Variants in LYST observed in about 807,000 individuals in gnomAD.
LYST encodes lysosomal-trafficking regulator.
Under a neutral mutation model 413.6 loss-of-function variants are expected in LYST, and 192 were observed. That is an observed-to-expected ratio of 0.46 (90% CI 0.41 to 0.52). The LOEUF is 0.52. Ranked by LOEUF, LYST falls within the 20% of genes least tolerant of loss-of-function variation. LYST has a pLI of 0.00. For missense variants in LYST, 3,815 were observed against 4,499.9 expected, an observed-to-expected ratio of 0.85 and a Z score of 4.35; for synonymous variants, 1,525 against 1,567.3, an observed-to-expected ratio of 0.97 and a Z score of 0.64.
intron 1 of LYST, among the ~76,000 whole-genome samples, chr1:235,849,332 A>T (rs976132167): frequency 6.6e-5 from 10 of 152,170 alleles, no homozygotes; most frequent in Non-Finnish European, 1.3e-4. Flanking sequence ...TATGATTAAA[A>T]TTCTCAGCAA....
intron 9 of LYST, 62 bp from the exon 10 acceptor site, chr1:235,800,448 A>C (rs959833065): frequency 6.6e-6 from 6 of 906,244 alleles, no homozygotes; most frequent in Non-Finnish European, 1.1e-5. Context: ...AAACAACTGC[A>C]ATGTCATAAT....
At chr1:235,743,854 G>A in intron 30 of LYST, 125 bp downstream of exon 30, 4 of 612,388 alleles carry the variant, frequency 6.5e-6, no homozygotes, top group Non-Finnish European at 8.7e-6. Flanking sequence ...CAAGTTGTCC[G>A]AGTTTTAAAA....
At chr1:235,781,378 A>G (rs1288507940) in intron 15 of LYST, among the ~76,000 whole-genome samples, 1 of 152,120 alleles carries the variant, frequency 6.6e-6, no homozygotes, top group Non-Finnish European at 1.5e-5. Context: ...TGGGAGCTAT[A>G]TCTTGGTAAA....
intron 42 of LYST, 162 bp from the exon 43 acceptor site, chr1:235,712,359 T>C (rs1208285119): frequency 8.4e-6 from 5 of 592,036 alleles, no homozygotes; most frequent in Admixed American, 3.4e-5. Flanking sequence ...AAAATAAATA[T>C]TTCTATAAAC....
chr1:235,868,178 CTT>C (rs58846659), upstream of LYST, among the ~76,000 whole-genome samples: 3 of 147,260 alleles, frequency 2.0e-5, no homozygotes. Context: ...TATTTTTTAT[CTT>C]TTTTTTTTTG....
intron 3 of LYST, among the ~76,000 whole-genome samples, chr1:235,814,011 A>G (rs1673769516): frequency 6.6e-6 from 1 of 152,184 alleles, no homozygotes; most frequent in Admixed American, 6.5e-5. Context: ...AAGTACTCCA[A>G]CAACAGAAGG....
chr1:235,687,162 T>C, intron 47 of LYST, 115 bp from the exon 48 acceptor site: 1 of 757,242 alleles, frequency 1.3e-6, no homozygotes, highest in South Asian at 1.6e-5. Context: ...AACTATTTTT[T>C]TTAACTCTCA....
At chr1:235,774,156 CAGATAAGT>C (rs1220995715) in intron 18 of LYST, among the ~76,000 whole-genome samples, 165 bp from the exon 19 acceptor site, 1 of 152,128 alleles carries the variant, frequency 6.6e-6, no homozygotes, top group African/African-American at 2.4e-5. Flanking sequence ...TAAAACAATT[CAGATAAGT>C]AGAAAATCCC....
At chr1:235,733,960 C>T (rs1664603529) in intron 32 of LYST, 54 bp from the exon 33 acceptor site, 9 of 898,530 alleles carry the variant, frequency 1.0e-5, no homozygotes, top group Non-Finnish European at 1.3e-5. Flanking sequence ...TCTCACCTAA[C>T]ATTGTCACAG....
At chr1:235,756,027 ATATC>A (rs1667014916) in intron 24 of LYST, among the ~76,000 whole-genome samples, 1 of 124,590 alleles carries the variant, frequency 8.0e-6, no homozygotes, top group African/African-American at 2.9e-5. Context: ...ATCTATATCT[ATATC>A]TATATCTATA....
chr1:235,810,226 G>C lies in LYST; in HGVS notation c.592C>G (p.Gln198Glu). ...TCAAGTTTAGCTTTGGGGTGGTCTT[G>C]TTTAGGAAACGATGTTAAAAAATGA... The part of the protein sequence containing the change: ...LHHFLTSFPK[Q>E]DHPKAKLDRL... Residue 198 changes from glutamine (Q) to glutamate (E), a missense_variant, in exon 5 of 53, where the codon CAA becomes GAA. Gln to Glu is a conservative substitution (Grantham distance 29). Coordinates refer to ENST00000389793, the MANE Select transcript of LYST (RefSeq NM_000081.4). 1 of 1,614,080 alleles carries C rather than the reference G, an allele frequency of 6.2e-7. No individual in the cohort carries two copies. The highest frequency in any genetic ancestry group is 8.5e-7 in the Non-Finnish European group (1 of 1,179,976).
chr1:235,728,308 T>C (rs1270899827), intron 37 of LYST, among the ~76,000 whole-genome samples, 177 bp from the exon 38 acceptor site: 1 of 152,150 alleles, frequency 6.6e-6, no homozygotes. Context: ...GGCAAGTTGC[T>C]TTACCTCTTT....
At chr1:235,716,641 G>A in intron 41 of LYST, 71 bp downstream of exon 41, 1 of 940,650 alleles carries the variant, frequency 1.1e-6, no homozygotes, top group South Asian at 1.4e-5. Flanking sequence ...TTTAAAATTA[G>A]GTAAAACACA....
At chr1:235,851,951 T>A (rs565601746) in intron 1 of LYST, among the ~76,000 whole-genome samples, 1 of 152,344 alleles carries the variant, frequency 6.6e-6, no homozygotes, top group Admixed American at 6.5e-5. Flanking sequence ...CCCATATTTA[T>A]TGACTACTCA....
chr1:235,865,879 A>G (rs920814890), intron 1 of LYST, among the ~76,000 whole-genome samples: 2 of 152,180 alleles, frequency 1.3e-5, no homozygotes, highest in Admixed American at 1.3e-4. Flanking sequence ...TTTGATCTTC[A>G]AGGAAACACT....
rs1438187731 is a variant in LYST, at chr1:235,738,838, T to G, written c.8358+2584A>C. On this transcript the variant is annotated intron_variant, in intron 31 of 52. Transcript: ENST00000389793. Reference sequence around the variant, plus strand: ...CCAATTTCCACCATGATTGGTGGAATAAAGGATGATGTCTTCCTTAGCATT... The same window carrying G: ...CCAATTTCCACCATGATTGGTGGAAGAAAGGATGATGTCTTCCTTAGCATT... 3.9e-6 allele frequency: 3 copies of G among 777,122 alleles called. No individual in the cohort carries two copies. The Admixed American group carries it at 5.1e-5, about 13-fold the overall frequency. The allele number at this position is 777,122 out of a possible 1,614,324, so 48.1% of individuals were successfully genotyped here.
intron 46 of LYST, 62 bp downstream of exon 46, chr1:235,697,021 T>A (rs1296462703): frequency 3.2e-5 from 48 of 1,518,608 alleles, no homozygotes; most frequent in Admixed American, 1.7e-5. Flanking sequence ...ACAGATGAGC[T>A]AGAAATACTC....
chr1:235,762,063 T>C (rs1440873349), intron 22 of LYST, among the ~76,000 whole-genome samples: 3 of 151,846 alleles, frequency 2.0e-5, no homozygotes, highest in Admixed American at 2.0e-4. Context: ...ACATGGCATA[T>C]GTATACATAT....
intron 20 of LYST, among the ~76,000 whole-genome samples, chr1:235,766,787 T>C (rs1668188689): frequency 6.6e-6 from 1 of 152,158 alleles, no homozygotes. Flanking sequence ...TCACTACTAT[T>C]ACTACTGCTA....
Sources: allele counts gnomAD v4.1 joint callset (sites outside exome capture counted in the v4.1 genomes callset), GRCh38; gene constraint gnomAD v4.1.1; transcripts MANE v1.5; gene names NCBI Gene and HGNC (gene_info 2026-07-23, HGNC 2026-07-21).